Variants in WWOX observed in about 807,000 individuals in gnomAD.
WWOX encodes the protein WW domain-containing oxidoreductase.
In WWOX, 69 loss-of-function variants were observed where a neutral mutation model predicts 46.2. The ratio of observed to expected loss-of-function variants is 1.49; its 90% confidence interval spans 1.23 to 1.82. The LOEUF (loss-of-function observed/expected upper bound fraction) is 1.82, where lower values mean the gene tolerates loss of function less well. WWOX is among the 40% of genes most tolerant of loss of function. The pLI is 0.00. For missense variants in WWOX, 919 were observed against 542.6 expected (o/e 1.69, Z -6.89); for synonymous variants, 359 against 202.6 (o/e 1.77, Z -6.56).
intron 8 of WWOX, among the ~76,000 whole-genome samples, chr16:78,635,172 T>C (rs1225149889): frequency 6.6e-6 from 1 of 152,154 alleles, no homozygotes; most frequent in South Asian, 2.1e-4. Context: ...ACATCTGCAG[T>C]CAAAGGCTTC....
intron 8 of WWOX, chr16:79,077,301 C>T (rs999345085): frequency 1.3e-5 from 2 of 152,014 alleles, no homozygotes; most frequent in East Asian, 1.9e-4. Context: ...GACAAACATC[C>T]GAATTCTGAA....
At chr16:79,166,207 A>T (rs76448762) in intron 8 of WWOX, among the ~76,000 whole-genome samples, 1 of 152,160 alleles carries the variant, frequency 6.6e-6, no homozygotes, top group African/African-American at 2.4e-5. Context: ...ATTGACTTCA[A>T]TCACTTCTGG....
chr16:78,307,606 T>G (rs2080157940), intron 5 of WWOX, among the ~76,000 whole-genome samples: 1 of 152,090 alleles, frequency 6.6e-6, no homozygotes, highest in South Asian at 2.1e-4. Flanking sequence ...TTTAACCCAG[T>G]GAGGTTGATT....
At chr16:78,129,856 A>T (rs1179717526) in intron 4 of WWOX, among the ~76,000 whole-genome samples, 1 of 152,126 alleles carries the variant, frequency 6.6e-6, no homozygotes, top group African/African-American at 2.4e-5. Context: ...TTGAAACCCT[A>T]ATCTTAAGGT....
intron 6 of WWOX, among the ~76,000 whole-genome samples, chr16:78,423,385 C>T (rs2082998013): frequency 6.6e-6 from 1 of 152,054 alleles, no homozygotes; most frequent in Non-Finnish European, 1.5e-5. Flanking sequence ...AATAATTCCT[C>T]AATGGTATAT....
At chr16:78,991,383 C>G (rs554004428) in intron 8 of WWOX, among the ~76,000 whole-genome samples, 47 of 152,110 alleles carry the variant, frequency 3.1e-4, no homozygotes, top group African/African-American at 1.1e-3. Flanking sequence ...CACTTGAGCC[C>G]AGGAGTTTGA....
intron 8 of WWOX, among the ~76,000 whole-genome samples, chr16:79,177,450 A>G (rs994658834): frequency 2.0e-5 from 3 of 152,016 alleles, no homozygotes; most frequent in Non-Finnish European, 4.4e-5. Flanking sequence ...CTAACCTCTT[A>G]TGGTCAGGCT....
At chr16:78,155,915 A>T (rs1389455053) in intron 4 of WWOX, among the ~76,000 whole-genome samples, 1 of 151,990 alleles carries the variant, frequency 6.6e-6, no homozygotes, top group African/African-American at 2.4e-5. Flanking sequence ...AAAACTCCAC[A>T]CTCTAGAGAT....
rs1042973387 is a variant in WWOX, at chr16:78,426,748, C to T, written c.791+1693C>T. Among the ~76,000 whole-genome samples, 8 of 152,308 alleles carry T rather than the reference C, an allele frequency of 5.3e-5. No individual in the cohort carries two copies. The South Asian group carries it at 1.7e-3, about 32-fold the overall frequency. On this transcript the variant is annotated intron_variant, in intron 7 of 8. Transcript: ENST00000566780. ...GCATGATCTCGGCTCACCACAACTT[C>T]AGACTCCCAGGGTTAAGCGATTCTC...
chr16:78,687,769 T>A (rs554889590), intron 8 of WWOX, among the ~76,000 whole-genome samples: 1 of 152,278 alleles, frequency 6.6e-6, no homozygotes, highest in South Asian at 2.1e-4. Context: ...ATTCTCCAGG[T>A]CTGACTATTA....
At chr16:78,195,168 C>A (rs772144543) in intron 5 of WWOX, among the ~76,000 whole-genome samples, 1 of 152,152 alleles carries the variant, frequency 6.6e-6, no homozygotes, top group Non-Finnish European at 1.5e-5. Context: ...GAGCCCAGCC[C>A]TTCCACTTGT....
intron 8 of WWOX, among the ~76,000 whole-genome samples, chr16:78,874,745 G>A (rs1037333709): frequency 8.6e-6 from 1 of 115,840 alleles, no homozygotes; most frequent in African/African-American, 3.3e-5. Context: ...ATCACAGGTT[G>A]CCAGAACATC....
intron 8 of WWOX, among the ~76,000 whole-genome samples, chr16:79,123,481 T>A (rs2049683359): frequency 6.6e-6 from 1 of 152,162 alleles, no homozygotes; most frequent in African/African-American, 2.4e-5. Context: ...GACACTGATC[T>A]AGGCTCATTC....
chr16:78,973,224 G>T (rs1246428330), intron 8 of WWOX, among the ~76,000 whole-genome samples: 1 of 152,132 alleles, frequency 6.6e-6, no homozygotes, highest in East Asian at 1.9e-4. Flanking sequence ...ACCACAGACC[G>T]GAGCTTGTGT....
At chr16:78,721,763 G>A (rs2048697234) in intron 8 of WWOX, among the ~76,000 whole-genome samples, 1 of 152,170 alleles carries the variant, frequency 6.6e-6, no homozygotes, top group South Asian at 2.1e-4. Context: ...TACATACACA[G>A]GGCCAGGTAC....
chr16:79,019,015 G>C (rs1165840210), intron 8 of WWOX, among the ~76,000 whole-genome samples: 1 of 151,682 alleles, frequency 6.6e-6, no homozygotes, highest in Non-Finnish European at 1.5e-5. Flanking sequence ...TAGCCGGGCA[G>C]GCATGGTGGC....
chr16:79,123,107 T>G (rs1371595738), intron 8 of WWOX, among the ~76,000 whole-genome samples: 1 of 152,168 alleles, frequency 6.6e-6, no homozygotes, highest in African/African-American at 2.4e-5. Context: ...TTCTGGTCTG[T>G]GCGTGCTGTA....
intron 8 of WWOX, among the ~76,000 whole-genome samples, chr16:78,497,258 C>G (rs2084940011): frequency 6.6e-6 from 1 of 152,166 alleles, no homozygotes; most frequent in Admixed American, 6.5e-5. Context: ...TCTAGCTTTT[C>G]CTCCAATTTT....
chr16:78,785,044 G>T (rs2050421049), intron 8 of WWOX, among the ~76,000 whole-genome samples: 1 of 152,162 alleles, frequency 6.6e-6, no homozygotes, highest in African/African-American at 2.4e-5. Flanking sequence ...TATAGCCAAG[G>T]AGAAGTTAAA....
Sources: gnomAD v4.1 joint callset for allele counts (sites outside exome capture counted in the v4.1 genomes callset) on GRCh38, gnomAD v4.1.1 for gene constraint, MANE v1.5 for transcripts, NCBI Gene and HGNC (gene_info 2026-07-23, HGNC 2026-07-21) for gene names.